Variants in PREP observed in about 807,000 individuals in gnomAD.
PREP encodes the protein dJ355L5.1 (prolyl endopeptidase).
Under a neutral mutation model 87.6 loss-of-function variants are expected in PREP, and 29 were observed. The observed-to-expected ratio is 0.33, with a 90% CI of 0.25 to 0.45. The LOEUF (loss-of-function observed/expected upper bound fraction) is 0.45, where lower values mean the gene tolerates loss of function less well. Among genes scored for constraint, PREP ranks in the 20% least tolerant of loss-of-function variants. The probability of loss-of-function intolerance (pLI) is 1.00; values close to 1 mark genes in which losing one functional copy is unlikely to be tolerated. For missense variants in PREP, 695 were observed against 886.5 expected (o/e 0.78, Z 2.74); for synonymous variants, 337 against 328.6 (o/e 1.03, Z -0.28).
intron 6 of PREP, 45 bp from the exon 7 acceptor site, chr6:105,353,122 T>C (rs1772002216): frequency 1.4e-6 from 2 of 1,444,260 alleles, no homozygotes; most frequent in Non-Finnish European, 1.9e-6. Context: ...TTAGAATTTA[T>C]TTTTGTGAGA....
chr6:105,327,705 T>A (rs1455245760), intron 9 of PREP, among the ~76,000 whole-genome samples: 3 of 152,170 alleles, frequency 2.0e-5, no homozygotes, highest in African/African-American at 4.8e-5. Flanking sequence ...ACCAAACGAC[T>A]GCAGCAAAAC....
At chr6:105,360,321 G>A (rs1048334661) in intron 6 of PREP, among the ~76,000 whole-genome samples, 7 of 152,142 alleles carry the variant, frequency 4.6e-5, no homozygotes, top group African/African-American at 1.7e-4. Context: ...CAGAAAAATG[G>A]GGAAAGAAGT....
chr6:105,331,666 G>A (rs1468169181), intron 8 of PREP, among the ~76,000 whole-genome samples: 1 of 152,196 alleles, frequency 6.6e-6, no homozygotes, highest in Admixed American at 6.5e-5. Flanking sequence ...CCCTGCCTCA[G>A]TTTGGACAGA....
intron 7 of PREP, among the ~76,000 whole-genome samples, chr6:105,351,862 T>A (rs1289576356): frequency 1.3e-5 from 2 of 152,172 alleles, no homozygotes; most frequent in African/African-American, 4.8e-5. Flanking sequence ...TATCTCTTTT[T>A]CTTAATAGAA....
intron 10 of PREP, among the ~76,000 whole-genome samples, chr6:105,291,765 T>C (rs1430989318): frequency 6.6e-6 from 1 of 152,228 alleles, no homozygotes; most frequent in African/African-American, 2.4e-5. Context: ...TAATAACATT[T>C]TACTCACAGC....
At chr6:105,372,004 C>T (rs1216048189) in intron 5 of PREP, among the ~76,000 whole-genome samples, 2 of 152,152 alleles carry the variant, frequency 1.3e-5, no homozygotes, top group Non-Finnish European at 2.9e-5. Flanking sequence ...ACTCTTAACA[C>T]AAGCAGCTAA....
intron 6 of PREP, among the ~76,000 whole-genome samples, chr6:105,359,579 G>A (rs1363785149): frequency 6.6e-6 from 1 of 152,172 alleles, no homozygotes; most frequent in Non-Finnish European, 1.5e-5. Flanking sequence ...AGCATGTGTA[G>A]TGGGTGCTGT....
intron 7 of PREP, among the ~76,000 whole-genome samples, chr6:105,349,412 A>G (rs1368148518): frequency 6.6e-6 from 1 of 152,210 alleles, no homozygotes; most frequent in Non-Finnish European, 1.5e-5. Context: ...GATATTTTCT[A>G]TCCTGCTAAT....
intron 1 of PREP, among the ~76,000 whole-genome samples, chr6:105,400,891 C>G (rs1204245448): frequency 6.6e-6 from 1 of 152,122 alleles, no homozygotes; most frequent in African/African-American, 2.4e-5. Flanking sequence ...AGAAACAAAC[C>G]CATCCTAGAA....
intron 12 of PREP, among the ~76,000 whole-genome samples, chr6:105,283,796 A>G (rs1770130429): frequency 6.6e-6 from 1 of 152,210 alleles, no homozygotes; most frequent in African/African-American, 2.4e-5. Context: ...GCCTTAGTCA[A>G]TCTTGAACCT....
chr6:105,401,976 G>A (rs1773441400), intron 1 of PREP, among the ~76,000 whole-genome samples: 1 of 152,186 alleles, frequency 6.6e-6, no homozygotes, highest in Non-Finnish European at 1.5e-5. Flanking sequence ...GCCACAACAT[G>A]TGGATGCAAT....
chr6:105,291,597 G>A (rs1770297235), intron 10 of PREP, among the ~76,000 whole-genome samples: 1 of 152,122 alleles, frequency 6.6e-6, no homozygotes, highest in Non-Finnish European at 1.5e-5. Flanking sequence ...GATGCTTCCT[G>A]CCCTCAAACA....
At chr6:105,347,318 C>T (rs1053426423) in intron 7 of PREP, among the ~76,000 whole-genome samples, 10 of 152,162 alleles carry the variant, frequency 6.6e-5, no homozygotes, top group Admixed American at 3.3e-4. Context: ...GGGGCTACCA[C>T]GTGTCATTAC....
chr6:105,317,691 T>C (rs762323677), intron 10 of PREP, among the ~76,000 whole-genome samples: 8 of 152,122 alleles, frequency 5.3e-5, no homozygotes, highest in Non-Finnish European at 1.0e-4. Flanking sequence ...AGGAGGGCAG[T>C]TGGGAGTTGG....
intron 10 of PREP, among the ~76,000 whole-genome samples, chr6:105,320,128 TTC>T (rs751731760): frequency 3.9e-5 from 6 of 152,250 alleles, no homozygotes; most frequent in Non-Finnish European, 7.3e-5. Context: ...ATATTTCAAC[TTC>T]TTTTTAAAAG....
At chr6:105,323,508 C>A (rs1273051350) in intron 10 of PREP, among the ~76,000 whole-genome samples, 157 bp downstream of exon 10, 3 of 152,166 alleles carry the variant, frequency 2.0e-5, no homozygotes, top group Non-Finnish European at 4.4e-5. Flanking sequence ...ACTGCTGAAT[C>A]CTGAGTGTTT....
intron 10 of PREP, among the ~76,000 whole-genome samples, chr6:105,305,921 A>G (rs890528677): frequency 4.0e-5 from 6 of 151,780 alleles, no homozygotes; most frequent in African/African-American, 1.5e-4. Flanking sequence ...GCTCACTTGC[A>G]GCCTCAAACT....
intron 4 of PREP, among the ~76,000 whole-genome samples, chr6:105,375,712 G>A (rs1772670066): frequency 6.6e-6 from 1 of 152,206 alleles, no homozygotes; most frequent in Non-Finnish European, 1.5e-5. Context: ...GAGGGAAACT[G>A]ATCTGATAAA....
chr6:105,319,425 T>C (rs1017938265), intron 10 of PREP, among the ~76,000 whole-genome samples: 1 of 152,178 alleles, frequency 6.6e-6, no homozygotes, highest in Non-Finnish European at 1.5e-5. Context: ...AATTTTGTCT[T>C]TCATTTTGCA....
Sources: allele counts gnomAD v4.1 joint callset (sites outside exome capture counted in the v4.1 genomes callset), GRCh38; gene constraint gnomAD v4.1.1; transcripts MANE v1.5; gene names NCBI Gene and HGNC (gene_info 2026-07-23, HGNC 2026-07-21).